NUP62CL: variants seen among roughly 807,000 people sequenced by gnomAD.
NUP62CL encodes the protein nucleoporin 62 C-terminal like, also known as nucleoporin-62 C-terminal-like protein.
In NUP62CL, 13 loss-of-function variants were observed where a neutral mutation model predicts 15.3. That is an observed-to-expected ratio of 0.85 (90% CI 0.55 to 1.35). The LOEUF is 1.35. Among genes scored for constraint, NUP62CL ranks in the 40% most tolerant of loss-of-function variants. NUP62CL has a pLI of 0.00. For synonymous variants in NUP62CL, 54 were observed against 49.2 expected, an observed-to-expected ratio of 1.10 and a Z score of -0.41; for missense variants, 123 against 130.6, an observed-to-expected ratio of 0.94 and a Z score of 0.28.
chrX:107,166,310 C>A (rs999820447), intron 4 of NUP62CL, among the ~76,000 whole-genome samples: 3 of 111,769 alleles, frequency 2.7e-5, no homozygotes, highest in African/African-American at 6.5e-5. Flanking sequence ...TGTGAAAAGA[C>A]GTTCAACATC....
chrX:107,144,634 A>C (rs1490725391), intron 8 of NUP62CL, among the ~76,000 whole-genome samples: 1 of 111,858 alleles, frequency 8.9e-6, no homozygotes, highest in Non-Finnish European at 1.9e-5. Context: ...GTAGAAAAAT[A>C]TGCGACAGGA....
At chrX:107,172,153 A>C (rs1431096155) in intron 3 of NUP62CL, among the ~76,000 whole-genome samples, 2 of 100,494 alleles carry the variant, frequency 2.0e-5, no homozygotes, top group Non-Finnish European at 4.0e-5. Flanking sequence ...GTGAGACCTC[A>C]TCTCTACTAA....
At chrX:107,201,747 G>A (rs1166265195) in intron 1 of NUP62CL, among the ~76,000 whole-genome samples, 9 of 109,065 alleles carry the variant, frequency 8.3e-5, no homozygotes, top group Non-Finnish European at 1.5e-4. Context: ...GAGCAACATA[G>A]TGAGACCTTG....
At chrX:107,201,283 C>CA (rs1397304882) in intron 1 of NUP62CL, among the ~76,000 whole-genome samples, 2 of 111,270 alleles carry the variant, frequency 1.8e-5, no homozygotes, top group Admixed American at 1.9e-4. Flanking sequence ...ATTCAACTGT[C>CA]ACAACTATCT....
chrX:107,166,722 T>C (rs935616726), intron 4 of NUP62CL, among the ~76,000 whole-genome samples: 2 of 111,401 alleles, frequency 1.8e-5, no homozygotes, highest in Non-Finnish European at 3.8e-5. Flanking sequence ...CACAATACCA[T>C]GGAATACTAC....
chrX:107,156,499 G>A (rs1328631140), intron 4 of NUP62CL, among the ~76,000 whole-genome samples: 1 of 105,878 alleles, frequency 9.4e-6, no homozygotes, highest in Non-Finnish European at 1.9e-5. Flanking sequence ...CTAACTGGGA[G>A]GCACCCCCCA....
At chrX:107,199,892 T>C (rs919214826) in intron 1 of NUP62CL, among the ~76,000 whole-genome samples, 1 of 112,082 alleles carries the variant, frequency 8.9e-6, no homozygotes, top group African/African-American at 3.2e-5. Context: ...TAGAAAAATC[T>C]AAGCCTCAAA....
chrX:107,198,542 G>C (rs749972202), intron 1 of NUP62CL, among the ~76,000 whole-genome samples: 2 of 111,903 alleles, frequency 1.8e-5, no homozygotes, highest in African/African-American at 3.2e-5. Context: ...CACTCCTGAA[G>C]CCAGTGAGAC....
chrX:107,175,210 C>A lies in NUP62CL; in HGVS notation c.-47-17G>T, dbSNP rs1396331329. ...GAGCCAAACCTAAAAATCAAAGTAA[C>A]AAACAGAAAAATATGTCACTAAAAA... On this transcript the variant is annotated splice_polypyrimidine_tract_variant and intron_variant, in intron 2 of 8. Transcript: ENST00000372466. The A allele has an allele frequency of 2.0e-5, 16 of 796,679 alleles. No individual in the cohort carries two copies. In the African/African-American group the frequency reaches 2.1e-4, roughly 10 times the overall value. 65.7% of individuals were successfully genotyped at this position (796,679 alleles called of 1,213,427 possible). A position where few individuals can be genotyped will look rare whatever the true frequency, so the allele number is the denominator to read the frequency against.
chrX:107,201,572 G>A (rs1432528387), intron 1 of NUP62CL, among the ~76,000 whole-genome samples: 1 of 108,250 alleles, frequency 9.2e-6, no homozygotes, highest in Non-Finnish European at 1.9e-5. Context: ...ATACTATATA[G>A]CAATAAAAAA....
chrX:107,136,891 A>T (rs1010128680), intron 8 of NUP62CL, among the ~76,000 whole-genome samples: 4 of 110,852 alleles, frequency 3.6e-5, no homozygotes, highest in African/African-American at 9.9e-5. Context: ...ACAAGGTGAA[A>T]CTCTGTCTCT....
chrX:107,188,529 C>T (rs1032693174), intron 2 of NUP62CL, among the ~76,000 whole-genome samples: 2 of 108,550 alleles, frequency 1.8e-5, no homozygotes, highest in East Asian at 5.9e-4. Context: ...TAAGACTATA[C>T]TTAATAGTGA....
At chrX:107,141,722 T>A (rs1452250040) in intron 8 of NUP62CL, among the ~76,000 whole-genome samples, 2 of 111,922 alleles carry the variant, frequency 1.8e-5, no homozygotes, top group African/African-American at 6.5e-5. Context: ...TCTCAGCATC[T>A]GATACTCTTC....
intron 8 of NUP62CL, among the ~76,000 whole-genome samples, chrX:107,130,224 C>T (rs1002155964): frequency 5.4e-5 from 6 of 111,602 alleles, no homozygotes; most frequent in African/African-American, 2.0e-4. Flanking sequence ...CACCAAAACG[C>T]ATCATCTGAT....
At chrX:107,134,068 C>T (rs1473571198) in intron 8 of NUP62CL, among the ~76,000 whole-genome samples, 1 of 112,430 alleles carries the variant, frequency 8.9e-6, no homozygotes, top group Non-Finnish European at 1.9e-5. Context: ...TAGTCTACTA[C>T]AATAAGTATT....
At chrX:107,183,149 T>C (rs1475060626) in intron 2 of NUP62CL, among the ~76,000 whole-genome samples, 1 of 111,995 alleles carries the variant, frequency 8.9e-6, no homozygotes, top group African/African-American at 3.2e-5. Context: ...GCTGTGATTG[T>C]GCCACTGTAC....
chrX:107,193,133 A>T (rs1927282806), intron 1 of NUP62CL, 61 bp from the exon 2 acceptor site: 1 of 112,372 alleles, frequency 8.9e-6, no homozygotes, highest in South Asian at 3.7e-4. Flanking sequence ...GACCTCAAAG[A>T]AAAGATGGTG....
At chrX:107,134,680 A>G (rs1925599336) in intron 8 of NUP62CL, among the ~76,000 whole-genome samples, 1 of 109,661 alleles carries the variant, frequency 9.1e-6, no homozygotes, top group Non-Finnish European at 1.9e-5. Flanking sequence ...TGTCGGACTC[A>G]TGAGCTCAAG....
chrX:107,172,285 C>T (rs1243650894), intron 3 of NUP62CL, among the ~76,000 whole-genome samples: 6 of 109,419 alleles, frequency 5.5e-5, no homozygotes, highest in Non-Finnish European at 7.6e-5. Flanking sequence ...GCTATAATCA[C>T]GCCACTGCAC....
Sources: allele counts gnomAD v4.1 joint callset (sites outside exome capture counted in the v4.1 genomes callset), GRCh38; gene constraint gnomAD v4.1.1; transcripts MANE v1.5; gene names NCBI Gene and HGNC (gene_info 2026-07-23, HGNC 2026-07-21).